Variants in DOK6 observed in about 807,000 individuals in gnomAD.
The protein encoded by DOK6 is downstream of tyrosine kinase 6.
Under a neutral mutation model 44.0 loss-of-function variants are expected in DOK6, and 22 were observed. The ratio of observed to expected loss-of-function variants is 0.50; its 90% CI spans 0.36 to 0.71. The LOEUF (loss-of-function observed/expected upper bound fraction) is 0.71, where lower values mean the gene tolerates loss of function less well. Among genes scored for constraint, DOK6 ranks in the 30% least tolerant of loss-of-function variants. The pLI is 0.00. For synonymous variants in DOK6, 166 were observed against 145.5 expected (o/e 1.14, Z -1.01); for missense variants, 340 against 416.4 (o/e 0.82, Z 1.60).
intron 6 of DOK6, 43 bp downstream of exon 6, chr18:69,739,146 G>A (rs188828068): frequency 8.1e-6 from 13 of 1,608,872 alleles, no homozygotes; most frequent in African/African-American, 5.3e-5. Flanking sequence ...GGAAATGAAT[G>A]TCACTGGGAT....
chr18:69,513,886 C>G (rs1380971755), intron 1 of DOK6, among the ~76,000 whole-genome samples: 1 of 151,730 alleles, frequency 6.6e-6, no homozygotes, highest in Non-Finnish European at 1.5e-5. Context: ...CTATAATTTG[C>G]ATTGCAAGTT....
intron 1 of DOK6, among the ~76,000 whole-genome samples, chr18:69,517,681 C>A (rs1057293589): frequency 6.8e-6 from 1 of 148,056 alleles, no homozygotes; most frequent in South Asian, 2.1e-4. Flanking sequence ...TTTGAGATGC[C>A]TTTGAATTGT....
chr18:69,735,447 G>C (rs73970247), intron 5 of DOK6, among the ~76,000 whole-genome samples: 2,977 of 152,314 alleles, frequency 0.02, 86 homozygotes, highest in African/African-American at 0.067. Flanking sequence ...AATCAGCAAA[G>C]GGAAAAGTCA....
intron 1 of DOK6, among the ~76,000 whole-genome samples, chr18:69,416,505 G>A (rs1293007000): frequency 6.6e-6 from 1 of 152,074 alleles, no homozygotes; most frequent in Non-Finnish European, 1.5e-5. Flanking sequence ...TCAAAGTGAG[G>A]ACTTTACATC....
At chr18:69,786,207 A>G (rs962774457) in intron 7 of DOK6, among the ~76,000 whole-genome samples, 11 of 152,216 alleles carry the variant, frequency 7.2e-5, no homozygotes, top group African/African-American at 2.7e-4. Context: ...CGCTTAATAT[A>G]AAATCTGAGG....
chr18:69,680,251 TACTC>T (rs779846827), intron 4 of DOK6, among the ~76,000 whole-genome samples: 2 of 152,184 alleles, frequency 1.3e-5, no homozygotes, highest in Non-Finnish European at 2.9e-5. Context: ...GACAGACACG[TACTC>T]ACTAAGACTC....
chr18:69,562,631 C>T (rs1599193620), intron 1 of DOK6, among the ~76,000 whole-genome samples: 1 of 152,132 alleles, frequency 6.6e-6, no homozygotes, highest in East Asian at 1.9e-4. Flanking sequence ...CTTCCTTACA[C>T]CTTATACAAA....
In DOK6 at chr18:69,570,784, T is replaced by C. The variant is rs79613175; in HGVS notation, c.174+6190T>C. 5.4e-3 allele frequency among the ~76,000 whole-genome samples: 826 copies of C among 152,190 alleles called. 21 individuals carry two copies. The East Asian group carries it at 0.068, about 13-fold the overall frequency. On this transcript the variant is annotated intron_variant, in intron 2 of 7. Transcript: ENST00000382713. ...AGGATGACACACACACACAAAAAAG[T>C]ATCTTCAACCAAAAATTCTATGTCT... is the stretch of plus-strand genomic sequence containing the variant.
chr18:69,401,542 C>T (rs929987431), intron 1 of DOK6, among the ~76,000 whole-genome samples: 1 of 152,048 alleles, frequency 6.6e-6, no homozygotes, highest in African/African-American at 2.4e-5. Context: ...TCGAGTGCAC[C>T]GGGCTGTCTT....
chr18:69,805,021 A>G lies in DOK6; in HGVS notation c.857-36223A>G, dbSNP rs913375824. On this transcript the variant is annotated intron_variant, in intron 7 of 7. Transcript: ENST00000382713. ...GTAAGGTGGAGTCCTTGTACTGTGG[A>G]AGCAAAGGCAGTAATTCCCAGCAAG... Among the ~76,000 whole-genome samples, 3 of 152,316 alleles carry G rather than the reference A, an allele frequency of 2.0e-5. No homozygotes were observed. The East Asian group carries it at 5.8e-4, about 29-fold the overall frequency.
chr18:69,811,026 G>T (rs1216475436), intron 7 of DOK6, among the ~76,000 whole-genome samples: 1 of 151,998 alleles, frequency 6.6e-6, no homozygotes, highest in African/African-American at 2.4e-5. Context: ...ATTATTCACA[G>T]TAGCTAAGAT....
chr18:69,422,365 C>T (rs1978517461), intron 1 of DOK6, among the ~76,000 whole-genome samples: 1 of 152,206 alleles, frequency 6.6e-6, no homozygotes, highest in Non-Finnish European at 1.5e-5. Context: ...TCCAGATTGG[C>T]ATACTCAAAT....
chr18:69,694,829 A>T lies in DOK6; in HGVS notation c.410-3575A>T, dbSNP rs117680168. On this transcript the variant is annotated intron_variant, in intron 4 of 7. Transcript: ENST00000382713. The stretch of plus-strand genomic sequence containing the variant: ...TTGGGAATGGGTTTAGTTTTCTTTA[A>T]TAATGTTTTCTTGTTGTTGTCAATC... Among the ~76,000 whole-genome samples the T allele has an allele frequency of 1.1e-3, 166 of 152,280 alleles. 2 individuals carry two copies. In the East Asian group the frequency reaches 0.028, roughly 25 times the overall value.
chr18:69,750,482 A>C (rs1025243507), intron 6 of DOK6, among the ~76,000 whole-genome samples: 1 of 152,244 alleles, frequency 6.6e-6, no homozygotes, highest in Non-Finnish European at 1.5e-5. Flanking sequence ...AAAATGCTGT[A>C]CATTGCTATT....
intron 1 of DOK6, among the ~76,000 whole-genome samples, chr18:69,490,404 GA>G: frequency 6.6e-6 from 1 of 151,918 alleles, no homozygotes; most frequent in East Asian, 1.9e-4. Flanking sequence ...AATTTAGAAA[GA>G]AAAAACTTTA....
At chr18:69,753,227 G>A (rs568197642) in intron 6 of DOK6, among the ~76,000 whole-genome samples, 1 of 152,178 alleles carries the variant, frequency 6.6e-6, no homozygotes, top group South Asian at 2.1e-4. Flanking sequence ...TTTATATATT[G>A]CCTAAATGGG....
intron 1 of DOK6, among the ~76,000 whole-genome samples, chr18:69,449,373 T>G (rs539877652): frequency 6.6e-6 from 1 of 152,200 alleles, no homozygotes; most frequent in South Asian, 2.1e-4. Flanking sequence ...GTTGTAAACT[T>G]TGACATAAAT....
At chr18:69,774,292 G>A (rs1979994586) in intron 7 of DOK6, among the ~76,000 whole-genome samples, 3 of 151,242 alleles carry the variant, frequency 2.0e-5, no homozygotes, top group African/African-American at 4.8e-5. Context: ...ACTCATAAGC[G>A]GGAGCTAAGC....
In DOK6 at chr18:69,841,561, T is replaced by C. The variant is rs1982222197; in HGVS notation, c.*178T>C. 1.4e-6 allele frequency: 1 copy of C among 725,348 alleles called. No homozygotes were observed. The highest frequency in any genetic ancestry group is 1.8e-5 in the African/African-American group (1 of 56,994). 44.9% of individuals were successfully genotyped at this position (725,348 alleles called of 1,614,324 possible). Reference sequence around the variant, plus strand: ...CTGCTTCCTTGATTCAGTGGCTAAGTCCTTTATTTATTGAATTTCTTTGGG... The same window carrying C: ...CTGCTTCCTTGATTCAGTGGCTAAGCCCTTTATTTATTGAATTTCTTTGGG... On this transcript the variant is annotated 3_prime_UTR_variant, in exon 8 of 8. Transcript: ENST00000382713.
Sources: allele counts gnomAD v4.1 joint callset (sites outside exome capture counted in the v4.1 genomes callset), GRCh38; gene constraint gnomAD v4.1.1; transcripts MANE v1.5; gene names NCBI Gene and HGNC (gene_info 2026-07-23, HGNC 2026-07-21).